FGF12: variants seen among roughly 807,000 people sequenced by gnomAD.
FGF12 encodes the protein fibroblast growth factor 12B.
In FGF12, 14 loss-of-function variants were observed where a neutral mutation model predicts 23.6. That is an observed-to-expected ratio of 0.59 (90% CI 0.39 to 0.93). FGF12 has a LOEUF of 0.93. Ranked by LOEUF, FGF12 falls within the 40% of genes least tolerant of loss-of-function variation. The probability of loss-of-function intolerance (pLI) is 0.00; values close to 1 mark genes in which losing one functional copy is unlikely to be tolerated. For missense variants in FGF12, 175 were observed against 217.8 expected (o/e 0.80, Z 1.24); for synonymous variants, 62 against 77.3 (o/e 0.80, Z 1.04).
intron 2 of FGF12, among the ~76,000 whole-genome samples, chr3:192,717,323 C>A (rs752095904): frequency 5.3e-5 from 8 of 152,118 alleles, no homozygotes; most frequent in Non-Finnish European, 8.8e-5. Context: ...CTTTTCTCAT[C>A]CCTGAAATAG....
At chr3:192,569,364 C>T (rs1712490552) in intron 2 of FGF12, among the ~76,000 whole-genome samples, 1 of 152,210 alleles carries the variant, frequency 6.6e-6, no homozygotes, top group South Asian at 2.1e-4. Context: ...GGACAGTTGT[C>T]TTCTGTGTGT....
chr3:192,265,954 A>G (rs1713051728), intron 4 of FGF12, among the ~76,000 whole-genome samples: 1 of 152,090 alleles, frequency 6.6e-6, no homozygotes, highest in African/African-American at 2.4e-5. Context: ...CCTTCTATGC[A>G]TTGTGGGGAT....
chr3:192,529,620 T>A (rs1251365101), intron 2 of FGF12, among the ~76,000 whole-genome samples: 2 of 152,180 alleles, frequency 1.3e-5, no homozygotes, highest in Non-Finnish European at 2.9e-5. Flanking sequence ...AAAGACATAC[T>A]GGAGACTGGG....
intron 4 of FGF12, among the ~76,000 whole-genome samples, chr3:192,317,162 T>C (rs1031365246): frequency 6.7e-6 from 1 of 149,326 alleles, no homozygotes; most frequent in Non-Finnish European, 1.5e-5. Flanking sequence ...CCACATGTAG[T>C]GGCTATAGGA....
intron 2 of FGF12, among the ~76,000 whole-genome samples, chr3:192,419,882 G>A (rs982033689): frequency 1.3e-5 from 2 of 152,168 alleles, no homozygotes; most frequent in Admixed American, 1.3e-4. Flanking sequence ...TGTAAAGGCT[G>A]GCATAATTGA....
intron 2 of FGF12, among the ~76,000 whole-genome samples, chr3:192,616,247 G>A (rs1054902230): frequency 6.6e-6 from 1 of 151,906 alleles, no homozygotes; most frequent in African/African-American, 2.4e-5. Flanking sequence ...ATCACTTATG[G>A]TTTATTTAAC....
intron 2 of FGF12, among the ~76,000 whole-genome samples, chr3:192,682,295 A>C (rs1303844148): frequency 2.0e-5 from 3 of 152,162 alleles, no homozygotes; most frequent in African/African-American, 7.2e-5. Flanking sequence ...ACAGTCATGC[A>C]TGTTTTTTCC....
intron 2 of FGF12, among the ~76,000 whole-genome samples, chr3:192,613,573 C>T (rs1714630695): frequency 6.6e-6 from 1 of 151,838 alleles, no homozygotes; most frequent in Admixed American, 6.6e-5. Context: ...TGCTATTTGA[C>T]CTGTAGACCT....
chr3:192,250,213 T>G (rs575057781), intron 4 of FGF12, among the ~76,000 whole-genome samples: 62 of 152,282 alleles, frequency 4.1e-4, no homozygotes, highest in Middle Eastern at 3.4e-3. Context: ...CTGTTTATTC[T>G]GGTAACTTTT....
At chr3:192,565,727 C>T (rs1364903825) in intron 2 of FGF12, among the ~76,000 whole-genome samples, 1 of 152,164 alleles carries the variant, frequency 6.6e-6, no homozygotes, top group Non-Finnish European at 1.5e-5. Context: ...GTATGCCCCA[C>T]AATTTTCACA....
In FGF12 at chr3:192,505,174, TA is replaced by T. The variant is rs945976972; in HGVS notation, c.14-144637del. 4.5e-3 allele frequency among the ~76,000 whole-genome samples: 679 copies of T among 151,118 alleles called. 5 individuals carry two copies. Among genetic ancestry groups the T allele is most frequent in the African/African-American group, 0.015 (637 of 41,230 alleles). ...TAGTATTTTTAAATACAGACAAGCTTAAAAAAAAAGAAACAAAAATGATTCA... is the reference window on the plus strand; with the variant it reads ...TAGTATTTTTAAATACAGACAAGCTTAAAAAAAAGAAACAAAAATGATTCA... On this transcript the variant is annotated intron_variant, in intron 2 of 5. Transcript: ENST00000445105.
intron 2 of FGF12, among the ~76,000 whole-genome samples, chr3:192,471,237 C>G (rs550161822): frequency 6.6e-6 from 1 of 152,098 alleles, no homozygotes; most frequent in African/African-American, 2.4e-5. Flanking sequence ...GTTTTCAGCC[C>G]GGGAACAGAG....
chr3:192,156,632 G>T (rs1300802269), intron 5 of FGF12, among the ~76,000 whole-genome samples: 2 of 152,066 alleles, frequency 1.3e-5, no homozygotes, highest in African/African-American at 2.4e-5. Flanking sequence ...TGGCTTTTCT[G>T]GGTTGTCCTT....
chr3:192,219,224 A>G (rs974336818), intron 4 of FGF12, among the ~76,000 whole-genome samples: 1 of 152,138 alleles, frequency 6.6e-6, no homozygotes, highest in African/African-American at 2.4e-5. Context: ...AGCTAGGACT[A>G]CAGGCACTTG....
At chr3:192,446,754 A>G (rs1722366889) in intron 2 of FGF12, among the ~76,000 whole-genome samples, 2 of 152,136 alleles carry the variant, frequency 1.3e-5, no homozygotes, top group East Asian at 3.9e-4. Flanking sequence ...ACTCGCATCC[A>G]AGGCAAACAT....
chr3:192,260,708 C>G (rs1712693326), intron 4 of FGF12, among the ~76,000 whole-genome samples: 1 of 152,098 alleles, frequency 6.6e-6, no homozygotes. Flanking sequence ...TGTTGTAAGT[C>G]CCCTTTCCTG....
intron 2 of FGF12, among the ~76,000 whole-genome samples, chr3:192,638,690 C>T (rs1715674903): frequency 6.6e-6 from 1 of 152,224 alleles, no homozygotes; most frequent in Middle Eastern, 3.4e-3. Context: ...TAAGTTTCAC[C>T]ACATGCCCAC....
At chr3:192,244,439 G>C (rs1719780886) in intron 4 of FGF12, among the ~76,000 whole-genome samples, 1 of 152,132 alleles carries the variant, frequency 6.6e-6, no homozygotes, top group East Asian at 1.9e-4. Context: ...TGGAGTGATA[G>C]TGTGGACAGT....
intron 2 of FGF12, among the ~76,000 whole-genome samples, chr3:192,636,451 C>A (rs1204155317): frequency 6.6e-6 from 1 of 152,214 alleles, no homozygotes; most frequent in Non-Finnish European, 1.5e-5. Context: ...CCACTATAAA[C>A]TACCACCATT....
Sources: gnomAD v4.1 joint callset for allele counts (sites outside exome capture counted in the v4.1 genomes callset) on GRCh38, gnomAD v4.1.1 for gene constraint, MANE v1.5 for transcripts, NCBI Gene and HGNC (gene_info 2026-07-23, HGNC 2026-07-21) for gene names.